The following ARAP2 variants were observed in gnomAD, a reference collection of about 807,000 sequenced individuals.
ARAP2 encodes ArfGAP with RhoGAP domain, ankyrin repeat and PH domain 2, also known as arf-GAP with Rho-GAP domain, ANK repeat and PH domain-containing protein 2.
Under a neutral mutation model 194.5 loss-of-function variants are expected in ARAP2, and 148 were observed. That is an observed-to-expected ratio of 0.76 (90% CI 0.67 to 0.87). The LOEUF is 0.87. Among genes scored for constraint, ARAP2 ranks in the 40% least tolerant of loss-of-function variants. ARAP2 has a pLI of 0.00. For synonymous variants in ARAP2, 695 were observed against 683.5 expected, an observed-to-expected ratio of 1.02 and a Z score of -0.26; for missense variants, 2,128 against 1,989.7, an observed-to-expected ratio of 1.07 and a Z score of -1.32.
rs1399616720 is a variant in ARAP2, at chr4:36,043,307, A to G, written n.607+2672T>C. On this transcript the variant is annotated intron_variant and non_coding_transcript_variant, in intron 5 of 12. Coordinates refer to the ARAP2 transcript ENST00000503225. ...AAGTTTGATCAGCTAATTTTCACTA[A>G]TATGAAAAAACTGAAGAAAAACTCA... Among the ~76,000 whole-genome samples the G allele has an allele frequency of 3.3e-5, 5 of 152,298 alleles. No homozygotes were observed. The East Asian group carries it at 9.7e-4, about 29-fold the overall frequency.
intron 15 of ARAP2, among the ~76,000 whole-genome samples, chr4:36,158,393 T>C (rs1445202837): frequency 6.6e-6 from 1 of 152,158 alleles, no homozygotes; most frequent in East Asian, 1.9e-4. Context: ...TTCACATTTA[T>C]CTACATTATC....
At chr4:36,033,102 CT>C (rs1447150994) in intron 5 of ARAP2, among the ~76,000 whole-genome samples, 1 of 152,130 alleles carries the variant, frequency 6.6e-6, no homozygotes, top group East Asian at 1.9e-4. Flanking sequence ...GATTCTATAT[CT>C]TTGCTGTTGT....
chr4:36,109,423 T>C (rs1241319229), intron 26 of ARAP2, among the ~76,000 whole-genome samples: 1 of 151,924 alleles, frequency 6.6e-6, no homozygotes, highest in East Asian at 1.9e-4. Flanking sequence ...GACAAATTAT[T>C]GCATTATTTT....
chr4:36,137,198 A>G (rs529221192), intron 19 of ARAP2, among the ~76,000 whole-genome samples: 1 of 152,000 alleles, frequency 6.6e-6, no homozygotes, highest in African/African-American at 2.4e-5. Flanking sequence ...AAATGAAGGC[A>G]CAATATCTGT....
intron 9 of ARAP2, among the ~76,000 whole-genome samples, chr4:36,012,366 C>G (rs538043853): frequency 3.7e-4 from 57 of 152,178 alleles, no homozygotes; most frequent in Admixed American, 6.5e-5. Context: ...AGACTCCAAC[C>G]AGCCACCTGT....
intron 28 of ARAP2, among the ~76,000 whole-genome samples, chr4:36,091,455 A>G (rs1713630079): frequency 6.6e-6 from 1 of 152,176 alleles, no homozygotes; most frequent in South Asian, 2.1e-4. Context: ...AAATAAGTCA[A>G]TTCATTCAAC....
chr4:36,074,818 A>C (rs1321027227), intron 31 of ARAP2, among the ~76,000 whole-genome samples: 1 of 152,112 alleles, frequency 6.6e-6, no homozygotes, highest in African/African-American at 2.4e-5. Flanking sequence ...TCATTTAAAC[A>C]AATATTTACT....
At chr4:36,128,471 A>G in intron 21 of ARAP2, 62 bp downstream of exon 21, 5 of 396,492 alleles carry the variant, frequency 1.3e-5, no homozygotes, top group South Asian at 1.9e-4. Flanking sequence ...ATTATGGTCT[A>G]TATTATACAC....
rs2109487929 is a variant in ARAP2, at chr4:36,111,344, C to T, written c.4156+2826G>A. ...TAAAGCCTTCAACATGTGGTACACACATGTTCCACTGGCTTCAGTAAACCC... is the reference window on the plus strand; with the variant it reads ...TAAAGCCTTCAACATGTGGTACACATATGTTCCACTGGCTTCAGTAAACCC... On this transcript the variant is annotated intron_variant, in intron 26 of 32. Transcript: ENST00000303965. Among the ~76,000 whole-genome samples the T allele has an allele frequency of 1.3e-5, 2 of 152,040 alleles. 1 individual carries two copies. The highest frequency in any genetic ancestry group is 4.1e-4 in the South Asian group (2 of 4,824).
At chr4:36,152,044 G>T (rs893449152) in intron 15 of ARAP2, among the ~76,000 whole-genome samples, 2 of 152,028 alleles carry the variant, frequency 1.3e-5, no homozygotes, top group African/African-American at 4.8e-5. Flanking sequence ...GGGTGTGGGG[G>T]TGACATGAAA....
chr4:36,116,445 T>C (rs960197488), intron 25 of ARAP2, among the ~76,000 whole-genome samples: 4 of 151,876 alleles, frequency 2.6e-5, no homozygotes, highest in Non-Finnish European at 5.9e-5. Flanking sequence ...CTAAATATAG[T>C]AGCATGTCAA....
chr4:36,105,200 A>C (rs1053459230), intron 27 of ARAP2, among the ~76,000 whole-genome samples: 1 of 151,880 alleles, frequency 6.6e-6, no homozygotes, highest in Non-Finnish European at 1.5e-5. Flanking sequence ...AGCACCTATA[A>C]TACCAGCTAC....
At chr4:36,075,331 A>G (rs1039291437) in intron 31 of ARAP2, among the ~76,000 whole-genome samples, 2 of 152,126 alleles carry the variant, frequency 1.3e-5, no homozygotes, top group Non-Finnish European at 2.9e-5. Flanking sequence ...TTGAACTAAG[A>G]GGCATTTTTT....
chr4:36,105,970 T>C (rs191573784), intron 27 of ARAP2, among the ~76,000 whole-genome samples: 1 of 151,968 alleles, frequency 6.6e-6, no homozygotes, highest in African/African-American at 2.4e-5. Context: ...AATAAAAATT[T>C]CAACAGAAAG....
At chr4:36,009,881 G>GGA (rs1714100500) in intron 9 of ARAP2, among the ~76,000 whole-genome samples, 1 of 52,438 alleles carries the variant, frequency 1.9e-5, no homozygotes, top group Non-Finnish European at 3.9e-5. Flanking sequence ...TGTTTTTTTT[G>GGA]GCGGGGGGTA....
Position 36,066,105 on chromosome 4 carries a change from G to C in ARAP2, c.*1802C>G, listed in dbSNP as rs922553868. 1.1e-4 allele frequency: 17 copies of C among 152,074 alleles called. No homozygotes were observed. 9.4% of individuals were successfully genotyped at this position (152,074 alleles called of 1,614,324 possible). A position where few individuals can be genotyped will look rare whatever the true frequency, so the allele number is the denominator to read the frequency against. On this transcript the variant is annotated 3_prime_UTR_variant, in exon 33 of 33. Transcript: ENST00000303965. Reference sequence around the variant, plus strand: ...AAAATGGAGACAGTTGTTCAGAATAGAAAGGGAAACAGCTATTAGAGTTTA... The same window carrying C: ...AAAATGGAGACAGTTGTTCAGAATACAAAGGGAAACAGCTATTAGAGTTTA...
chr4:36,092,349 C>G (rs1713934239), intron 27 of ARAP2, among the ~76,000 whole-genome samples: 1 of 152,134 alleles, frequency 6.6e-6, no homozygotes, highest in Non-Finnish European at 1.5e-5. Flanking sequence ...GTGGCTCACA[C>G]CTGTAATCCT....
intron 15 of ARAP2, among the ~76,000 whole-genome samples, chr4:36,152,223 C>T (rs1406258829): frequency 6.6e-6 from 1 of 152,026 alleles, no homozygotes; most frequent in Non-Finnish European, 1.5e-5. Flanking sequence ...CCTTTATGGA[C>T]AATGGAAAAG....
intron 5 of ARAP2, among the ~76,000 whole-genome samples, chr4:36,031,919 T>A (rs1340153854): frequency 6.6e-6 from 1 of 152,128 alleles, no homozygotes; most frequent in Non-Finnish European, 1.5e-5. Flanking sequence ...TCCACCCACC[T>A]CGGCCTCCCA....
Sources: gnomAD v4.1 joint callset for allele counts (sites outside exome capture counted in the v4.1 genomes callset) on GRCh38, gnomAD v4.1.1 for gene constraint, MANE v1.5 for transcripts, NCBI Gene and HGNC (gene_info 2026-07-23, HGNC 2026-07-21) for gene names.